CYFIP1: variants seen among roughly 807,000 people sequenced by gnomAD.
The protein encoded by CYFIP1 is cytoplasmic FMR1 interacting protein 1, also known as cytoplasmic FMR1-interacting protein 1.
Under a neutral mutation model 163.5 loss-of-function variants are expected in CYFIP1, and 58 were observed. The ratio of observed to expected loss-of-function variants is 0.35; its 90% CI spans 0.29 to 0.44. CYFIP1 has a LOEUF of 0.44. Among genes scored for constraint, CYFIP1 ranks in the 20% least tolerant of loss-of-function variants. CYFIP1 has a pLI of 1.00. For missense variants in CYFIP1, 1,338 were observed against 1,653.8 expected (o/e 0.81, Z 3.31); for synonymous variants, 663 against 660.7 (o/e 1.00, Z -0.05).
At chr15:22,880,888 GC>G (rs2059742326) in intron 25 of CYFIP1, among the ~76,000 whole-genome samples, 1 of 152,168 alleles carries the variant, frequency 6.6e-6, no homozygotes, top group Admixed American at 6.5e-5. Context: ...TTCCCAGCAA[GC>G]TTTCCCTGTA....
chr15:22,919,646 G>A (rs753208422), intron 13 of CYFIP1, among the ~76,000 whole-genome samples: 1 of 152,126 alleles, frequency 6.6e-6, no homozygotes, highest in African/African-American at 2.4e-5. Flanking sequence ...ACATTTAATA[G>A]CACCAGTGAA....
chr15:22,867,080 G>A lies in CYFIP1; in HGVS notation c.*2948C>T. 1 of 500,696 alleles carries A rather than the reference G, an allele frequency of 2.0e-6. No homozygotes were observed. Among genetic ancestry groups the A allele is most frequent in the South Asian group, 3.9e-5 (1 of 25,812 alleles). 31.0% of individuals were successfully genotyped at this position (500,696 alleles called of 1,614,324 possible). ...CTATTAACATTTTATTGTTGTAGAA[G>A]TATTTTACATTTTCATCCCTTCTCC... On this transcript the variant is annotated 3_prime_UTR_variant, in exon 31 of 31. Transcript: ENST00000617928.
chr15:22,980,185 G>T (rs1477863660), intron 1 of CYFIP1, 102 bp downstream of exon 1: 1 of 145,124 alleles, frequency 6.9e-6, no homozygotes, highest in African/African-American at 2.5e-5. Context: ...GGAGGGGGGG[G>T]TCCGTCCCGG....
Position 22,964,768 on chromosome 15 carries a change from A to G in CYFIP1, c.-7+15519T>C, listed in dbSNP as rs879585581. The stretch of plus-strand genomic sequence containing the variant: ...GCGAAATTGAGGGCCAGAGAAAGTG[A>G]TTTGTCCAAATTCACAGAGCCGAGA... On this transcript the variant is annotated intron_variant, in intron 1 of 30. Transcript: ENST00000617928. Among the ~76,000 whole-genome samples, 80 of 152,232 alleles carry G rather than the reference A, an allele frequency of 5.3e-4. 1 individual carries two copies. The highest frequency in any genetic ancestry group is 1.7e-3 in the African/African-American group (71 of 41,538).
chr15:22,918,853 G>A lies in CYFIP1; in HGVS notation c.1365C>T (p.Ile455=), dbSNP rs772849852. 1.7e-5 allele frequency: 27 copies of A among 1,599,782 alleles called. No homozygotes were observed. The highest frequency in any genetic ancestry group is 1.1e-4 in the South Asian group (10 of 88,586). The change falls in exon 14 of 31, where the codon ATC becomes ATT. Residue 455 remains isoleucine, a synonymous_variant. Transcript: ENST00000617928. ...GCACCTGCAGGCCTTTGATCATGGC[G>A]ATCACCTGCGGGGGACACAGCAACA... ...SEEKFALVEV[I]AMIKGLQVLM...
intron 1 of CYFIP1, among the ~76,000 whole-genome samples, chr15:22,976,220 C>T (rs1219768806): frequency 3.9e-5 from 6 of 151,940 alleles, no homozygotes; most frequent in Non-Finnish European, 7.4e-5. Context: ...TGCAGTGGCG[C>T]GATCTCGGCT....
rs893847394 is a variant in CYFIP1 at position 22,886,743 on chromosome 15, C to T, written c.2677-3732G>A. On this transcript the variant is annotated intron_variant, in intron 23 of 30. Coordinates refer to ENST00000617928, the MANE Select transcript of CYFIP1 (RefSeq NM_014608.6). Reference sequence around the variant, plus strand: ...GAATGTTTCATGGGAATCTGAAAAACGTATATATTCTGCTGTTGTGGGGTA... The same window carrying T: ...GAATGTTTCATGGGAATCTGAAAAATGTATATATTCTGCTGTTGTGGGGTA... 2.6e-5 allele frequency among the ~76,000 whole-genome samples: 4 copies of T among 152,072 alleles called. No homozygotes were observed. In the East Asian group the frequency reaches 5.8e-4, roughly 22 times the overall value.
rs1218560471 is a variant in CYFIP1, at chr15:22,868,299, C to CAT, written c.*1727_*1728dup. 5 of 152,180 alleles carry CAT rather than the reference C, an allele frequency of 3.3e-5. No individual in the cohort carries two copies. The East Asian group carries it at 9.6e-4, about 29-fold the overall frequency. 9.4% of individuals were successfully genotyped at this position (152,180 alleles called of 1,614,324 possible). On this transcript the variant is annotated 3_prime_UTR_variant, in exon 31 of 31. Transcript: ENST00000617928. ...ACTGTACCTACATCTGTGCTTTGTA[C>CAT]ATAAAAGAACCAGTTTTCTCCCCCT...
intron 1 of CYFIP1, chr15:22,948,082 C>T (rs754036987): frequency 1.3e-5 from 9 of 718,858 alleles, no homozygotes; most frequent in Non-Finnish European, 1.5e-5. Flanking sequence ...ACAGAAGGAG[C>T]CCCAAATCCC....
intron 21 of CYFIP1, among the ~76,000 whole-genome samples, chr15:22,905,791 G>T (rs546241247): frequency 6.7e-6 from 1 of 149,278 alleles, no homozygotes; most frequent in African/African-American, 2.5e-5. Flanking sequence ...ACGGAGTCTC[G>T]CTCTGTCACC....
chr15:22,868,643 G>C lies in CYFIP1; in HGVS notation c.*1385C>G, dbSNP rs193001727. ...TTGTTTGTTAGGCTTCATGTCACTT[G>C]AGTGAGTTTGGCAGTGTAACAGGAT... On this transcript the variant is annotated 3_prime_UTR_variant, in exon 31 of 31. Transcript: ENST00000617928. The C allele has an allele frequency of 3.3e-5, 5 of 151,326 alleles. No individual in the cohort carries two copies. The East Asian group carries it at 9.8e-4, about 30-fold the overall frequency. 9.4% of individuals were successfully genotyped at this position (151,326 alleles called of 1,614,324 possible).
rs1160086948 is a variant in CYFIP1, at chr15:22,917,713, C to G, written c.1674+75G>C. ...AGGACCTCATTTAACCCGGGCCTCA[C>G]CAGCCCCACCCGCTCACAGCTCAGG... On this transcript the variant is annotated intron_variant, in intron 15 of 30. Coordinates refer to ENST00000617928, the MANE Select transcript of CYFIP1 (RefSeq NM_014608.6). The surrounding 1 kb of genome is among the most constrained non-coding windows in gnomAD (Gnocchi z 4.2). 1 of 1,487,360 alleles carries G rather than the reference C, an allele frequency of 6.7e-7. No individual in the cohort carries two copies. Among genetic ancestry groups the G allele is most frequent in the African/African-American group, 1.4e-5 (1 of 69,726 alleles). 92.1% of individuals were successfully genotyped at this position (1,487,360 alleles called of 1,614,324 possible).
At chr15:22,979,825 C>A (rs1193887966) in intron 1 of CYFIP1, among the ~76,000 whole-genome samples, 2 of 152,214 alleles carry the variant, frequency 1.3e-5, no homozygotes, top group African/African-American at 2.4e-5. Flanking sequence ...GAAACAAAAA[C>A]GGGTTCAGAT....
At chr15:22,915,133 T>C in intron 16 of CYFIP1, 1 of 344,800 alleles carries the variant, frequency 2.9e-6, no homozygotes, top group Non-Finnish European at 5.2e-6. Context: ...AAAGTGTCTT[T>C]TTTTTTTTTT....
intron 9 of CYFIP1, among the ~76,000 whole-genome samples, chr15:22,935,817 T>C (rs2061694058): frequency 6.6e-6 from 1 of 152,216 alleles, no homozygotes; most frequent in Non-Finnish European, 1.5e-5. Context: ...TGTTAGGTAA[T>C]GGACATGTTA....
At chr15:22,911,864 G>A (rs2060798150) in intron 18 of CYFIP1, among the ~76,000 whole-genome samples, 1 of 152,172 alleles carries the variant, frequency 6.6e-6, no homozygotes, top group South Asian at 2.1e-4. Flanking sequence ...GCAGCAGAGT[G>A]CTATTTATAA....
At chr15:22,975,248 T>C (rs2063226578) in intron 1 of CYFIP1, among the ~76,000 whole-genome samples, 1 of 152,028 alleles carries the variant, frequency 6.6e-6, no homozygotes, top group Non-Finnish European at 1.5e-5. Context: ...GTTTTAACTT[T>C]TGAGAAGTCA....
chr15:22,887,887 C>A (rs1262575764), intron 23 of CYFIP1, among the ~76,000 whole-genome samples: 1 of 152,164 alleles, frequency 6.6e-6, no homozygotes, highest in South Asian at 2.1e-4. Context: ...AGTCTCCAGC[C>A]TTGTTCGACA....
At chr15:22,907,838 G>C (rs1475349973) in intron 21 of CYFIP1, among the ~76,000 whole-genome samples, 4 of 152,202 alleles carry the variant, frequency 2.6e-5, no homozygotes, top group Non-Finnish European at 4.4e-5. Context: ...AGCATGTGTA[G>C]TTGGGTGGCA....
Sources: allele counts gnomAD v4.1 joint callset (sites outside exome capture counted in the v4.1 genomes callset), GRCh38; gene constraint gnomAD v4.1.1; non-coding constraint Gnocchi (gnomAD v3.1); transcripts MANE v1.5; gene names NCBI Gene and HGNC (gene_info 2026-07-23, HGNC 2026-07-21).